Variants in NLGN1 observed in about 807,000 individuals in gnomAD.
NLGN1 encodes the protein neuroligin 1, also known as neuroligin-1.
In NLGN1, 12 loss-of-function variants were observed where a neutral mutation model predicts 65.5. The observed-to-expected ratio is 0.18, with a 90% CI of 0.12 to 0.30. NLGN1 has a LOEUF of 0.30. Ranked by LOEUF, NLGN1 falls within the 10% of genes least tolerant of loss-of-function variation. NLGN1 has a pLI of 1.00. For missense variants in NLGN1, 750 were observed against 1,007.1 expected (o/e 0.74, Z 3.46); for synonymous variants, 350 against 359.5 (o/e 0.97, Z 0.30).
Position 174,242,253 on chromosome 3 carries a change from GC to G in NLGN1, c.647-33060del, listed in dbSNP as rs149226871. On this transcript the variant is annotated intron_variant, in intron 4 of 6. Coordinates refer to ENST00000457714, the Ensembl canonical transcript of NLGN1. ...TAAATCAGGGGTCCCCATCCCCCAG[GC>G]CATGGACCGTGCCAGTCCATGGCCT... is the stretch of plus-strand genomic sequence containing the variant. 3.8e-3 allele frequency among the ~76,000 whole-genome samples: 574 copies of G among 152,004 alleles called. 5 individuals carry two copies. Among genetic ancestry groups the G allele is most frequent in the African/African-American group, 0.014 (563 of 41,452 alleles).
At chr3:174,289,816 T>A (rs556678363), downstream of NLGN1, among the ~76,000 whole-genome samples, 62 of 150,136 alleles carry the variant, frequency 4.1e-4, no homozygotes, top group Non-Finnish European at 8.1e-4. Context: ...TCTCACCAAT[T>A]TGCATATAAA....
intron 4 of NLGN1, among the ~76,000 whole-genome samples, chr3:174,101,494 G>A (rs1020069776): frequency 2.0e-5 from 3 of 152,088 alleles, no homozygotes; most frequent in African/African-American, 4.8e-5. Flanking sequence ...ATCAGCTTAC[G>A]TCTGAACCCA....
intron 4 of NLGN1, among the ~76,000 whole-genome samples, chr3:174,246,489 G>T (rs1439813345): frequency 6.6e-6 from 1 of 152,132 alleles, no homozygotes; most frequent in East Asian, 1.9e-4. Context: ...CCTGATCACA[G>T]CTCACTGCAA....
At chr3:173,598,010 C>T (rs569900825) in intron 2 of NLGN1, among the ~76,000 whole-genome samples, 2 of 151,998 alleles carry the variant, frequency 1.3e-5, no homozygotes, top group South Asian at 2.1e-4. Flanking sequence ...AAGAGCTTGT[C>T]CTAAAAGTAG....
intron 4 of NLGN1, among the ~76,000 whole-genome samples, chr3:173,965,037 A>G (rs1353919484): frequency 6.6e-6 from 1 of 152,150 alleles, no homozygotes; most frequent in Non-Finnish European, 1.5e-5. Context: ...TATTTCAGTC[A>G]TTGTTTTCCA....
At chr3:173,706,329 A>AT (rs1420851469) in intron 3 of NLGN1, among the ~76,000 whole-genome samples, 1 of 152,196 alleles carries the variant, frequency 6.6e-6, no homozygotes, top group African/African-American at 2.4e-5. Context: ...AATAGATGTA[A>AT]TTTTAAAAAT....
At chr3:173,829,248 G>T (rs552764861) in intron 4 of NLGN1, among the ~76,000 whole-genome samples, 1 of 152,176 alleles carries the variant, frequency 6.6e-6, no homozygotes, top group African/African-American at 2.4e-5. Context: ...CATCCAGTTA[G>T]GGTAGATTAA....
intron 5 of NLGN1, among the ~76,000 whole-genome samples, chr3:174,276,106 T>G (rs1750510456): frequency 6.6e-6 from 1 of 151,870 alleles, no homozygotes. Flanking sequence ...AAAAATACAT[T>G]TGATTCAGTG....
At position 173,880,509 on chromosome 3, in the gene NLGN1, T is replaced by G. The variant is rs988160389; in HGVS notation, c.646+72677T>G. Among the ~76,000 whole-genome samples, 11 of 151,666 alleles carry G rather than the reference T, an allele frequency of 7.3e-5. No individual in the cohort carries two copies. The East Asian group carries it at 2.1e-3, about 29-fold the overall frequency. ...CACAAATTTTTTTTTTATTTTCTAG[T>G]GCTTTTAAAAGCTACGTTTACCCTA... is the stretch of plus-strand genomic sequence containing the variant. On this transcript the variant is annotated intron_variant, in intron 4 of 6. Coordinates refer to ENST00000457714, the Ensembl canonical transcript of NLGN1.
rs57274146 is a variant in NLGN1, at chr3:174,072,760, G to GC, written c.647-202549dup. Reference sequence around the variant, plus strand: ...TAAGATGTCAAAGATTCGTTTTGGAGCCCCCCTAGAAGGAACTGACCATGG... The same window carrying GC: ...TAAGATGTCAAAGATTCGTTTTGGAGCCCCCCCTAGAAGGAACTGACCATGG... On this transcript the variant is annotated intron_variant, in intron 4 of 6. Transcript: ENST00000457714. 2.0e-3 allele frequency among the ~76,000 whole-genome samples: 305 copies of GC among 152,134 alleles called. 1 individual carries two copies. The highest frequency in any genetic ancestry group is 7.0e-3 in the African/African-American group (290 of 41,532).
At chr3:173,741,489 GTTTGTT>G in intron 3 of NLGN1, among the ~76,000 whole-genome samples, 1 of 151,892 alleles carries the variant, frequency 6.6e-6, no homozygotes, top group African/African-American at 2.4e-5. Context: ...AGCTTTCTGG[GTTTGTT>G]TTTGTTTTTG....
chr3:173,900,862 G>T (rs923197704), intron 4 of NLGN1, among the ~76,000 whole-genome samples: 3 of 151,930 alleles, frequency 2.0e-5, no homozygotes, highest in Non-Finnish European at 1.5e-5. Flanking sequence ...CCTCTGGTAG[G>T]GGAGCATGTG....
chr3:173,963,229 A>C (rs1714020504), intron 4 of NLGN1, among the ~76,000 whole-genome samples: 1 of 152,134 alleles, frequency 6.6e-6, no homozygotes, highest in Non-Finnish European at 1.5e-5. Flanking sequence ...AATGGGCGCC[A>C]GGGGGTGTTG....
At chr3:174,181,339 A>T (rs545642917) in intron 4 of NLGN1, among the ~76,000 whole-genome samples, 1 of 152,116 alleles carries the variant, frequency 6.6e-6, no homozygotes, top group Admixed American at 6.6e-5. Context: ...TTAGGCTTTA[A>T]TGACTCATTG....
intron 4 of NLGN1, among the ~76,000 whole-genome samples, chr3:174,241,618 G>A (rs973949001): frequency 6.7e-6 from 1 of 150,124 alleles, no homozygotes; most frequent in Non-Finnish European, 1.5e-5. Context: ...GTAGTAAATT[G>A]ATAAATCCCT....
intron 3 of NLGN1, among the ~76,000 whole-genome samples, chr3:173,714,073 A>G (rs1434819777): frequency 2.0e-5 from 3 of 152,184 alleles, no homozygotes; most frequent in African/African-American, 7.2e-5. Flanking sequence ...ATTTGCAACT[A>G]GAATTTGAGG....
intron 3 of NLGN1, among the ~76,000 whole-genome samples, chr3:173,737,715 C>T (rs984333649): frequency 6.6e-6 from 1 of 152,084 alleles, no homozygotes; most frequent in African/African-American, 2.4e-5. Flanking sequence ...CTCCTACGAA[C>T]ATTCATGTAC....
intron 3 of NLGN1, among the ~76,000 whole-genome samples, chr3:173,777,620 TC>T (rs1780499013): frequency 8.7e-5 from 1 of 11,498 alleles, no homozygotes; most frequent in African/African-American, 2.2e-4. Flanking sequence ...TGTCTGTCTG[TC>T]TGTCTGTCTG....
chr3:173,572,201 C>G (rs1744765060), intron 2 of NLGN1, among the ~76,000 whole-genome samples: 1 of 152,148 alleles, frequency 6.6e-6, no homozygotes, highest in Admixed American at 6.5e-5. Context: ...AAAGTGTGAC[C>G]TAGCCCCAGC....
Sources: gnomAD v4.1 joint callset for allele counts (sites outside exome capture counted in the v4.1 genomes callset) on GRCh38, gnomAD v4.1.1 for gene constraint, MANE v1.5 for transcripts, NCBI Gene and HGNC (gene_info 2026-07-23, HGNC 2026-07-21) for gene names.